Variants in PLA2G4A observed in about 807,000 individuals in gnomAD.
PLA2G4A encodes the protein phospholipase A2 group IVA, also known as cytosolic phospholipase A2.
Under a neutral mutation model 81.9 loss-of-function variants are expected in PLA2G4A, and 40 were observed. The observed-to-expected ratio is 0.49, with a 90% CI of 0.38 to 0.64. The LOEUF (loss-of-function observed/expected upper bound fraction) is 0.64. Among genes scored for constraint, PLA2G4A ranks in the 30% least tolerant of loss-of-function variants. The pLI, the probability that PLA2G4A is intolerant of heterozygous loss-of-function variation, is 0.00. For missense variants in PLA2G4A, 715 were observed against 905.1 expected, an observed-to-expected ratio of 0.79 and a Z score of 2.69; for synonymous variants, 302 against 296.9, an observed-to-expected ratio of 1.02 and a Z score of -0.18.
intron 15 of PLA2G4A, 106 bp from the exon 16 acceptor site, chr1:186,977,487 A>G (rs992570585): frequency 1.6e-5 from 12 of 737,314 alleles, no homozygotes; most frequent in Non-Finnish European, 2.9e-5. Context: ...CAAGGAGTAC[A>G]TTGCTGGCAC....
At chr1:186,886,565 C>T (rs1412541712) in intron 3 of PLA2G4A, among the ~76,000 whole-genome samples, 1 of 152,160 alleles carries the variant, frequency 6.6e-6, no homozygotes, top group Non-Finnish European at 1.5e-5. Context: ...TTTCGTTCAA[C>T]AAATTTTCAT....
intron 15 of PLA2G4A, among the ~76,000 whole-genome samples, chr1:186,970,388 T>C (rs954030363): frequency 6.6e-5 from 10 of 152,128 alleles, no homozygotes; most frequent in African/African-American, 2.4e-4. Context: ...TTTCTTTTGC[T>C]GTGCAGAAGC....
intron 1 of PLA2G4A, among the ~76,000 whole-genome samples, chr1:186,844,624 C>T (rs903437012): frequency 6.6e-6 from 1 of 152,026 alleles, no homozygotes; most frequent in African/African-American, 2.4e-5. Context: ...AATGGTATTT[C>T]TAGTTCTAGA....
chr1:186,987,415 T>G (rs1270299601), intron 17 of PLA2G4A, among the ~76,000 whole-genome samples: 2 of 152,234 alleles, frequency 1.3e-5, no homozygotes, highest in Non-Finnish European at 2.9e-5. Flanking sequence ...TAACAATCCC[T>G]GAGGTAGAGA....
At position 186,893,516 on chromosome 1, in the gene PLA2G4A, A is replaced by G. The variant is rs12720528; in HGVS notation, c.264+357A>G. 7.2e-3 allele frequency among the ~76,000 whole-genome samples: 1,095 copies of G among 152,340 alleles called. 39 individuals carry two copies. The highest frequency in any genetic ancestry group is 0.067 in the Admixed American group (1,027 of 15,294). ...ATTTGTATCGATTTTCTGCATTAAT[A>G]TCTTTCTCATATTCCAAAGTAGAGA... On this transcript the variant is annotated intron_variant, in intron 4 of 17. Transcript: ENST00000367466.
Position 186,988,720 on chromosome 1 carries a change from T to G in PLA2G4A, c.*212T>G. ...TATGTAAGGATATACTTAGCTACATTTTCAGTCAGTATGAACTTCCTGATA... is the reference window on the plus strand; with the variant it reads ...TATGTAAGGATATACTTAGCTACATGTTCAGTCAGTATGAACTTCCTGATA... On this transcript the variant is annotated 3_prime_UTR_variant, in exon 18 of 18. Coordinates refer to ENST00000367466, the MANE Select transcript of PLA2G4A (RefSeq NM_024420.3). 9.1e-6 allele frequency: 4 copies of G among 440,174 alleles called. No individual in the cohort carries two copies. The highest frequency in any genetic ancestry group is 8.6e-5 in the South Asian group (4 of 46,524). The allele number at this position is 440,174 out of a possible 1,614,324, so 27.3% of individuals were successfully genotyped here.
intron 15 of PLA2G4A, among the ~76,000 whole-genome samples, chr1:186,973,163 C>T (rs776602599): frequency 3.9e-5 from 6 of 152,168 alleles, no homozygotes; most frequent in Non-Finnish European, 8.8e-5. Context: ...AATATATTCT[C>T]TCACAGTTTC....
chr1:186,932,663 T>G lies in PLA2G4A; in HGVS notation c.559-100T>G, dbSNP rs557910251. ...TATGAAGTTAACTTACACTTCTTTGTGACAAAATATGGGATGTATAACATA... is the reference window on the plus strand; with the variant it reads ...TATGAAGTTAACTTACACTTCTTTGGGACAAAATATGGGATGTATAACATA... On this transcript the variant is annotated intron_variant, in intron 7 of 17. Transcript: ENST00000367466. 6.3e-5 allele frequency: 76 copies of G among 1,210,966 alleles called. No homozygotes were observed. The South Asian group carries it at 9.1e-4, about 14-fold the overall frequency. 75.0% of individuals were successfully genotyped at this position (1,210,966 alleles called of 1,614,324 possible).
intron 16 of PLA2G4A, among the ~76,000 whole-genome samples, chr1:186,978,881 A>G (rs540104631): frequency 1.8e-4 from 28 of 152,354 alleles, no homozygotes; most frequent in Admixed American, 2.6e-4. Context: ...GGCTACCACA[A>G]TGGGAACTTG....
At chr1:186,856,644 T>C (rs1310686620) in intron 2 of PLA2G4A, among the ~76,000 whole-genome samples, 3 of 151,868 alleles carry the variant, frequency 2.0e-5, no homozygotes, top group African/African-American at 7.3e-5. Context: ...AGCAGAAAAA[T>C]ATGAAAAAAT....
At chr1:186,886,174 T>G (rs946727755) in intron 3 of PLA2G4A, among the ~76,000 whole-genome samples, 1 of 152,120 alleles carries the variant, frequency 6.6e-6, no homozygotes, top group Non-Finnish European at 1.5e-5. Flanking sequence ...ACAATTAATA[T>G]AAAAATATTA....
At chr1:186,911,878 C>CA (rs1224779336) in intron 7 of PLA2G4A, among the ~76,000 whole-genome samples, 2 of 152,138 alleles carry the variant, frequency 1.3e-5, no homozygotes, top group African/African-American at 4.8e-5. Flanking sequence ...TAGTCCAAGA[C>CA]AAAGGTGCAC....
At chr1:186,979,171 G>A (rs1317308810) in intron 16 of PLA2G4A, 144 bp from the exon 17 acceptor site, 4 of 692,110 alleles carry the variant, frequency 5.8e-6, no homozygotes, top group South Asian at 3.2e-5. Context: ...ACACAGACAC[G>A]ATAAAAGTCA....
At chr1:186,845,531 G>A (rs1021678523) in intron 1 of PLA2G4A, among the ~76,000 whole-genome samples, 2 of 152,108 alleles carry the variant, frequency 1.3e-5, no homozygotes, top group Non-Finnish European at 2.9e-5. Context: ...TCAAGAAGTT[G>A]CTGCCACTTA....
chr1:186,894,561 C>CAG (rs147621153), intron 5 of PLA2G4A, among the ~76,000 whole-genome samples: 104 of 149,856 alleles, frequency 6.9e-4, no homozygotes, highest in Middle Eastern at 3.5e-3. Flanking sequence ...GAGCTGGGGG[C>CAG]AGAGAGAGAG....
intron 2 of PLA2G4A, among the ~76,000 whole-genome samples, chr1:186,868,591 A>G (rs1653122844): frequency 6.6e-6 from 1 of 152,214 alleles, no homozygotes; most frequent in Admixed American, 6.5e-5. Context: ...TAGATAATCG[A>G]TACAAGAATT....
At chr1:186,854,213 A>T in intron 1 of PLA2G4A, 73 bp from the exon 2 acceptor site, 1 of 639,602 alleles carries the variant, frequency 1.6e-6, no homozygotes. Flanking sequence ...CCTAAGACGC[A>T]TACTCATAAT....
At chr1:186,940,134 T>A in intron 10 of PLA2G4A, 40 bp downstream of exon 10, 1 of 1,055,124 alleles carries the variant, frequency 9.5e-7, no homozygotes, top group African/African-American at 1.6e-5. Context: ...CTGGAACCTC[T>A]GAATTGCAGT....
chr1:186,839,105 T>A (rs1651888114), intron 1 of PLA2G4A, among the ~76,000 whole-genome samples: 1 of 152,216 alleles, frequency 6.6e-6, no homozygotes, highest in Non-Finnish European at 1.5e-5. Context: ...TAGCCATCTC[T>A]CATAAATCCT....
Sources: allele counts gnomAD v4.1 joint callset (sites outside exome capture counted in the v4.1 genomes callset), GRCh38; gene constraint gnomAD v4.1.1; transcripts MANE v1.5; gene names NCBI Gene and HGNC (gene_info 2026-07-23, HGNC 2026-07-21).